Variants in SYN3 observed in about 807,000 individuals in gnomAD.
The protein encoded by SYN3 is synapsin III.
SYN3 carries 35 observed loss-of-function variants against 65.8 expected under a neutral mutation model. The observed-to-expected ratio is 0.53, with a 90% CI of 0.41 to 0.70. The LOEUF is 0.70. SYN3 is among the 30% of genes least tolerant of loss of function. The probability of loss-of-function intolerance (pLI) is 0.00; values close to 1 mark genes in which losing one functional copy is unlikely to be tolerated. For synonymous variants in SYN3, 270 were observed against 292.9 expected, an observed-to-expected ratio of 0.92 and a Z score of 0.80; for missense variants, 680 against 749.0, an observed-to-expected ratio of 0.91 and a Z score of 1.08.
intron 7 of SYN3, among the ~76,000 whole-genome samples, chr22:32,569,440 TATCTATC>T (rs2058721577): frequency 6.7e-6 from 1 of 150,064 alleles, no homozygotes; most frequent in African/African-American, 2.5e-5. Flanking sequence ...TCTATCTATC[TATCTATC>T]TTCTCTATCT....
rs141774045 is a variant in SYN3, at chr22:32,984,118, C to T, written c.312-3416G>A. ...CAGAAGTTGCAGTGAGCCAAGATTG[C>T]GCCATTGTACTCCAACCTGGGCGAC... On this transcript the variant is annotated intron_variant, in intron 2 of 13. Transcript: ENST00000358763. Among the ~76,000 whole-genome samples, 1,027 of 138,306 alleles carry T rather than the reference C, an allele frequency of 7.4e-3. 9 individuals carry two copies. Among genetic ancestry groups the T allele is most frequent in the South Asian group, 0.036 (161 of 4,460 alleles). The allele number at this position is 138,306 out of a possible 152,430, so 90.7% of individuals were successfully genotyped here.
intron 6 of SYN3, among the ~76,000 whole-genome samples, chr22:32,709,794 T>A (rs1017761637): frequency 6.6e-6 from 1 of 152,120 alleles, no homozygotes. Flanking sequence ...TCTGCTTTAG[T>A]TCATTAAGAC....
At chr22:32,688,251 G>A (rs755004339) in intron 6 of SYN3, among the ~76,000 whole-genome samples, 29 of 152,260 alleles carry the variant, frequency 1.9e-4, no homozygotes, top group African/African-American at 6.3e-4. Context: ...GACTCCATGC[G>A]TCTGTGGCTC....
Position 32,755,737 on chromosome 22 carries a change from C to T in SYN3, c.711+109178G>A, listed in dbSNP as rs984518634. On this transcript the variant is annotated intron_variant, in intron 6 of 13. Coordinates refer to ENST00000358763, the MANE Select transcript of SYN3 (RefSeq NM_003490.4). ...CTTCATCTACCATGGTGGCCCCAGC[C>T]CCAACTTCTCACACACCAATGCCCT... Among the ~76,000 whole-genome samples the T allele has an allele frequency of 2.0e-5, 3 of 152,256 alleles. No individual in the cohort carries two copies. The South Asian group carries it at 6.2e-4, about 32-fold the overall frequency.
chr22:32,534,266 C>T (rs1462624128), intron 9 of SYN3, among the ~76,000 whole-genome samples: 1 of 152,164 alleles, frequency 6.6e-6, no homozygotes, highest in Non-Finnish European at 1.5e-5. Context: ...GGAGCTTGCC[C>T]TGTCCCCATC....
intron 6 of SYN3, among the ~76,000 whole-genome samples, chr22:32,790,582 A>G (rs1020442291): frequency 3.3e-5 from 5 of 152,058 alleles, no homozygotes; most frequent in African/African-American, 1.2e-4. Context: ...CGTGCTACCA[A>G]GCTTGGCTAA....
In SYN3 at chr22:32,801,610, C is replaced by T. The variant is rs1237923932; in HGVS notation, c.711+63305G>A. 1 of 155,218 alleles carries T rather than the reference C, an allele frequency of 6.4e-6. No individual in the cohort carries two copies. The highest frequency in any genetic ancestry group is 1.9e-4 in the East Asian group (1 of 5,252). 9.6% of individuals were successfully genotyped at this position (155,218 alleles called of 1,614,324 possible). ...TTGGAGGGCCGATGAGGTAATGCGG[C>T]TCTGCCATTGGTCTGAGGGGGCGGG... On this transcript the variant is annotated intron_variant, in intron 6 of 13. Transcript: ENST00000358763. This position sits in a 1 kb window ranked among gnomAD's most constrained non-coding sequence, Gnocchi z 4.7.
At chr22:32,958,725 C>T (rs557044806) in intron 3 of SYN3, among the ~76,000 whole-genome samples, 24 of 152,228 alleles carry the variant, frequency 1.6e-4, no homozygotes, top group Non-Finnish European at 3.1e-4. Flanking sequence ...GGCACCGAGG[C>T]ATGATGAGAT....
At chr22:32,723,410 A>G (rs950539288) in intron 6 of SYN3, among the ~76,000 whole-genome samples, 2 of 152,234 alleles carry the variant, frequency 1.3e-5, no homozygotes, top group Admixed American at 1.3e-4. Flanking sequence ...ACTTTCATAT[A>G]CACTAAACAG....
At chr22:32,585,908 ATGTATACATATATGTGTATATACG>A (rs1364424055) in intron 7 of SYN3, among the ~76,000 whole-genome samples, 2 of 62,154 alleles carry the variant, frequency 3.2e-5, no homozygotes, top group African/African-American at 5.3e-5. Context: ...ATATATGTGT[ATGTATACATATATGTGTATATACG>A]TATATGTGTA....
intron 4 of SYN3, among the ~76,000 whole-genome samples, chr22:32,871,604 T>A (rs996438752): frequency 1.3e-5 from 2 of 151,936 alleles, no homozygotes; most frequent in East Asian, 1.9e-4. Context: ...TTTATTTTAT[T>A]TTTTTAAATT....
intron 6 of SYN3, among the ~76,000 whole-genome samples, chr22:32,611,363 G>C (rs951551137): frequency 7.0e-6 from 1 of 142,352 alleles, no homozygotes; most frequent in Non-Finnish European, 1.5e-5. Flanking sequence ...GCACCATCTC[G>C]GCTCACTGCA....
At chr22:32,842,096 T>A (rs894916396) in intron 6 of SYN3, among the ~76,000 whole-genome samples, 5 of 152,140 alleles carry the variant, frequency 3.3e-5, no homozygotes, top group Admixed American at 6.5e-5. Flanking sequence ...GGCTGGTAAT[T>A]ATCACCCACA....
At chr22:32,672,983 C>T (rs1035551389) in intron 6 of SYN3, among the ~76,000 whole-genome samples, 12 of 152,272 alleles carry the variant, frequency 7.9e-5, no homozygotes, top group Admixed American at 1.3e-4. Context: ...CTGGTTAGGA[C>T]GAAGCCCAAT....
At chr22:32,614,668 CCTTCAATCTCCA>C (rs1262637662) in intron 6 of SYN3, among the ~76,000 whole-genome samples, 1 of 152,142 alleles carries the variant, frequency 6.6e-6, no homozygotes, top group Non-Finnish European at 1.5e-5. Flanking sequence ...TAGTCATCAT[CCTTCAATCTCCA>C]CTTCATTCTG....
rs542888078 is a variant in SYN3 at position 32,753,517 on chromosome 22, C to T, written c.711+111398G>A. ...CCAGCAGGGGCCTACACCCAGCCAC[C>T]GCTGGGCTTCTTAGCCCACCAGAGA... On this transcript the variant is annotated intron_variant, in intron 6 of 13. Transcript: ENST00000358763. Among the ~76,000 whole-genome samples the T allele has an allele frequency of 4.1e-3, 616 of 152,092 alleles. 4 individuals carry two copies. The highest frequency in any genetic ancestry group is 0.021 in the South Asian group (99 of 4,816).
chr22:32,710,347 T>A (rs1302986298), intron 6 of SYN3, among the ~76,000 whole-genome samples: 1 of 151,630 alleles, frequency 6.6e-6, no homozygotes, highest in East Asian at 2.0e-4. Flanking sequence ...TTTAAAAGTG[T>A]GGGCTGGGTG....
chr22:32,603,567 C>G (rs1255477385), intron 6 of SYN3, among the ~76,000 whole-genome samples: 4 of 151,188 alleles, frequency 2.6e-5, no homozygotes, highest in Admixed American at 6.6e-5. Flanking sequence ...AAAGAAAACA[C>G]AGCCCTTTGC....
At chr22:32,950,630 T>A (rs241760) in intron 3 of SYN3, among the ~76,000 whole-genome samples, 2 of 151,910 alleles carry the variant, frequency 1.3e-5, no homozygotes, top group South Asian at 2.1e-4. Flanking sequence ...TTGTGAGGCC[T>A]TGTGACTTTT....
Sources: allele counts gnomAD v4.1 joint callset (sites outside exome capture counted in the v4.1 genomes callset), GRCh38; gene constraint gnomAD v4.1.1; non-coding constraint Gnocchi (gnomAD v3.1); transcripts MANE v1.5; gene names NCBI Gene and HGNC (gene_info 2026-07-23, HGNC 2026-07-21).